Variants in M1AP observed in about 807,000 individuals in gnomAD.
M1AP encodes meiosis 1 arrest protein.
Under a neutral mutation model 51.2 loss-of-function variants are expected in M1AP, and 39 were observed. The observed-to-expected ratio is 0.76, with a 90% CI of 0.59 to 1.00. M1AP has a LOEUF of 1.00. Among genes scored for constraint, M1AP ranks in the 50% least tolerant of loss-of-function variants. The pLI is 0.00. For synonymous variants in M1AP, 251 were observed against 249.2 expected (o/e 1.01, Z -0.07); for missense variants, 545 against 641.2 (o/e 0.85, Z 1.62).
chr2:74,568,216 T>C (rs1678509702), intron 7 of M1AP, among the ~76,000 whole-genome samples: 1 of 152,244 alleles, frequency 6.6e-6, no homozygotes, highest in Non-Finnish European at 1.5e-5. Flanking sequence ...TGTGCTGTTA[T>C]GTCTGAACAG....
intron 9 of M1AP, 77 bp downstream of exon 9, chr2:74,560,074 G>C: frequency 6.6e-7 from 1 of 1,511,810 alleles, no homozygotes; most frequent in Non-Finnish European, 9.0e-7. Flanking sequence ...GGATGGGGGA[G>C]GAGGGTTTTC....
chr2:74,606,718 G>C (rs2104701239), intron 4 of M1AP, among the ~76,000 whole-genome samples: 1 of 151,942 alleles, frequency 6.6e-6, no homozygotes, highest in Non-Finnish European at 1.5e-5. Flanking sequence ...TCATTATTAG[G>C]ATATATTGTT....
At chr2:74,586,884 C>T (rs898161484) in intron 4 of M1AP, among the ~76,000 whole-genome samples, 15 of 151,964 alleles carry the variant, frequency 9.9e-5, no homozygotes, top group African/African-American at 3.4e-4. Context: ...TGCCTGTAAT[C>T]CCAGCTACTT....
At chr2:74,575,329 C>T (rs1678992848) in intron 7 of M1AP, 109 bp downstream of exon 7, 1 of 1,533,370 alleles carries the variant, frequency 6.5e-7, no homozygotes. Context: ...TTTCTGTCTT[C>T]TTGAGGGTTG....
intron 2 of M1AP, chr2:74,628,336 G>T: frequency 2.7e-6 from 1 of 365,170 alleles, no homozygotes; most frequent in Non-Finnish European, 5.5e-6. Context: ...AAGCTTCTCC[G>T]ATCATCTCCA....
intron 4 of M1AP, among the ~76,000 whole-genome samples, chr2:74,590,732 C>A (rs1416027836): frequency 6.6e-6 from 1 of 152,150 alleles, no homozygotes; most frequent in Admixed American, 6.5e-5. Context: ...GCCAATCCCA[C>A]TTTGAACTGA....
At position 74,640,241 on chromosome 2, in the gene M1AP, G is replaced by C; in HGVS notation, c.35C>G (p.Ser12Cys). The change falls in exon 2 of 11, where the codon TCT becomes TGT. Residue 12 changes from serine to cysteine, a missense_variant. Physicochemically the swap from Ser to Cys is moderately radical, Grantham distance 112 (BLOSUM62 -1). Transcript: ENST00000421985. Reference protein sequence around the residue: ...HPGRTTGKGPSTHTQIDQQPP... With the variant: ...HPGRTTGKGPCTHTQIDQQPP... Reference sequence around the variant, plus strand: ...TTGCTGGTCAATCTGAGTGTGAGTAGAGGGCCCTTTACCAGTAGTTCGCCC... The same window carrying C: ...TTGCTGGTCAATCTGAGTGTGAGTACAGGGCCCTTTACCAGTAGTTCGCCC... The C allele has an allele frequency of 6.2e-7, 1 of 1,614,090 alleles. No individual in the cohort carries two copies. The highest frequency in any genetic ancestry group is 8.5e-7 in the Non-Finnish European group (1 of 1,179,966).
chr2:74,604,975 C>T (rs1264586194), intron 4 of M1AP, among the ~76,000 whole-genome samples: 3 of 151,560 alleles, frequency 2.0e-5, no homozygotes, highest in African/African-American at 4.9e-5. Flanking sequence ...TTTGGGAGGC[C>T]GAGGCGGGTG....
At chr2:74,596,390 G>A (rs902222546) in intron 4 of M1AP, among the ~76,000 whole-genome samples, 2 of 152,174 alleles carry the variant, frequency 1.3e-5, no homozygotes, top group African/African-American at 2.4e-5. Context: ...AGACCATCCT[G>A]GCTAACATGG....
intron 1 of M1AP, 154 bp downstream of exon 1, chr2:74,648,111 T>G (rs1466005136): frequency 2.6e-5 from 26 of 983,742 alleles, no homozygotes; most frequent in Non-Finnish European, 3.1e-5. Context: ...GGAGCCTCTC[T>G]CGGCGTCAGT....
At chr2:74,572,848 T>C (rs541968568) in intron 7 of M1AP, among the ~76,000 whole-genome samples, 2 of 152,210 alleles carry the variant, frequency 1.3e-5, no homozygotes, top group Non-Finnish European at 2.9e-5. Context: ...CCCTGCCCTT[T>C]TCCAAGACAG....
chr2:74,559,671 C>T (rs1269472050), intron 10 of M1AP, 27 bp downstream of exon 10: 9 of 718,430 alleles, frequency 1.3e-5, no homozygotes, highest in South Asian at 7.4e-5. Context: ...GCCTCCTTTC[C>T]TCATCTGTAA....
At chr2:74,581,424 G>T (rs75539727) in intron 5 of M1AP, among the ~76,000 whole-genome samples, 1 of 152,182 alleles carries the variant, frequency 6.6e-6, no homozygotes. Context: ...TGTCATTGAG[G>T]TGTCTCAGAC....
chr2:74,614,833 G>T, intron 3 of M1AP, 131 bp downstream of exon 3: 1 of 753,186 alleles, frequency 1.3e-6, no homozygotes, highest in Non-Finnish European at 2.2e-6. Context: ...CCTGTAGGGA[G>T]CTGAAAATCT....
intron 4 of M1AP, among the ~76,000 whole-genome samples, chr2:74,597,280 G>A (rs960248253): frequency 1.3e-5 from 2 of 152,108 alleles, no homozygotes; most frequent in Non-Finnish European, 2.9e-5. Context: ...GTCTCTCTGT[G>A]TTAAAAATCT....
chr2:74,568,495 T>C (rs780153634), intron 7 of M1AP, among the ~76,000 whole-genome samples: 1 of 152,142 alleles, frequency 6.6e-6, no homozygotes, highest in Non-Finnish European at 1.5e-5. Flanking sequence ...GGCATGGTGG[T>C]AGTGGTGGTT....
chr2:74,590,622 T>C (rs2104629433), intron 4 of M1AP, among the ~76,000 whole-genome samples: 1 of 152,290 alleles, frequency 6.6e-6, no homozygotes, highest in South Asian at 2.1e-4. Flanking sequence ...ATCTTTTTCT[T>C]AGGCTTGTGT....
intron 2 of M1AP, 144 bp downstream of exon 2, chr2:74,639,892 T>C: frequency 2.8e-6 from 2 of 712,814 alleles, no homozygotes; most frequent in East Asian, 5.3e-5. Flanking sequence ...GCCCTCTGGC[T>C]CTCATGGTGT....
intron 7 of M1AP, among the ~76,000 whole-genome samples, chr2:74,573,070 A>T (rs979540209): frequency 2.0e-5 from 3 of 152,032 alleles, no homozygotes; most frequent in African/African-American, 7.2e-5. Context: ...TTTTTGAGAC[A>T]GAGTCTCACA....
Sources: gnomAD v4.1 joint callset for allele counts (sites outside exome capture counted in the v4.1 genomes callset) on GRCh38, gnomAD v4.1.1 for gene constraint, MANE v1.5 for transcripts, NCBI Gene and HGNC (gene_info 2026-07-23, HGNC 2026-07-21) for gene names.